DPF3: variants seen among roughly 807,000 people sequenced by gnomAD.
DPF3 encodes the protein double PHD fingers 3, also known as zinc finger protein DPF3.
Under a neutral mutation model 56.8 loss-of-function variants are expected in DPF3, and 18 were observed. The ratio of observed to expected loss-of-function variants is 0.32; its 90% CI spans 0.22 to 0.47. The LOEUF (loss-of-function observed/expected upper bound fraction) is 0.47, where lower values mean the gene tolerates loss of function less well. Among genes scored for constraint, DPF3 ranks in the 20% least tolerant of loss-of-function variants. The pLI is 1.00. For missense variants in DPF3, 403 were observed against 488.8 expected (o/e 0.82, Z 1.65); for synonymous variants, 188 against 180.2 (o/e 1.04, Z -0.35).
intron 8 of DPF3, among the ~76,000 whole-genome samples, chr14:72,659,602 G>A (rs1886147846): frequency 6.6e-6 from 1 of 152,172 alleles, no homozygotes; most frequent in African/African-American, 2.4e-5. Context: ...CATGAGGAAA[G>A]ACACACTCTA....
chr14:72,838,231 C>T (rs1334863957), intron 1 of DPF3, among the ~76,000 whole-genome samples: 4 of 152,216 alleles, frequency 2.6e-5, no homozygotes, highest in African/African-American at 2.4e-5. Context: ...CGGTGGCTCA[C>T]GCCTGTAATT....
chr14:72,697,098 A>G (rs937269527), intron 6 of DPF3, among the ~76,000 whole-genome samples: 3 of 152,150 alleles, frequency 2.0e-5, no homozygotes, highest in Non-Finnish European at 4.4e-5. Flanking sequence ...CAGACAATAC[A>G]TGGAGGTCCC....
intron 4 of DPF3, among the ~76,000 whole-genome samples, chr14:72,729,867 T>C (rs1364846356): frequency 6.6e-6 from 1 of 152,130 alleles, no homozygotes; most frequent in African/African-American, 2.4e-5. Flanking sequence ...TACACATTTG[T>C]TCAAACCCAT....
At chr14:72,723,016 T>A (rs1256049711) in intron 5 of DPF3, among the ~76,000 whole-genome samples, 1 of 151,576 alleles carries the variant, frequency 6.6e-6, no homozygotes, top group East Asian at 1.9e-4. Flanking sequence ...TTTTTTTTTT[T>A]ATAGTCATGA....
At chr14:72,675,275 G>C (rs911274047) in intron 7 of DPF3, among the ~76,000 whole-genome samples, 23 of 152,234 alleles carry the variant, frequency 1.5e-4, no homozygotes, top group African/African-American at 5.3e-4. Flanking sequence ...GGGGCTGCTT[G>C]AGAAGCCTTG....
intron 1 of DPF3, chr14:72,892,245 T>C (rs866142413): frequency 1.3e-6 from 2 of 1,535,452 alleles, no homozygotes; most frequent in Middle Eastern, 3.3e-4. Flanking sequence ...TGAAAATCAG[T>C]TGTGGGTTCG....
Position 72,753,330 on chromosome 14 carries a change from A to T in DPF3, c.235T>A (p.Trp79Arg). ...GGGTGCAATCGTCTCTTCTTGCGCC[A>T]GCAGCGGGCAGGGTATGTATACAGC... ...GQLYTYPARCWRKKRRLHPPE... is the reference protein window; with the variant it reads ...GQLYTYPARCRRKKRRLHPPE... Residue 79 changes from tryptophan (W) to arginine (R), a missense_variant, in exon 3 of 11, where the codon TGG becomes AGG. By Grantham distance (101) the Trp-to-Arg change is moderately radical. Coordinates refer to ENST00000556509, the MANE Select transcript of DPF3 (RefSeq NM_001280542.3). 1 of 1,613,430 alleles carries T rather than the reference A, an allele frequency of 6.2e-7. No individual in the cohort carries two copies. Among genetic ancestry groups the T allele is most frequent in the Non-Finnish European group, 8.5e-7 (1 of 1,179,808 alleles).
intron 2 of DPF3, among the ~76,000 whole-genome samples, chr14:72,764,043 A>C (rs1891164615): frequency 6.6e-6 from 1 of 152,158 alleles, no homozygotes; most frequent in Non-Finnish European, 1.5e-5. Context: ...GGCATCTCCA[A>C]GTGATGTGTC....
rs1268804951 is a variant in DPF3, at chr14:72,612,893, G to A, written c.*6404C>T. Reference sequence around the variant, plus strand: ...GGCTGAGAGCTGGAGGAGCAGGACTGGAGAAGACTTCAGGAAAGATGCACC... The same window carrying A: ...GGCTGAGAGCTGGAGGAGCAGGACTAGAGAAGACTTCAGGAAAGATGCACC... On this transcript the variant is annotated 3_prime_UTR_variant, in exon 11 of 11. Transcript: ENST00000556509. Among the ~76,000 whole-genome samples the A allele has an allele frequency of 1.3e-5, 2 of 152,170 alleles. No homozygotes were observed. The highest frequency in any genetic ancestry group is 2.9e-5 in the Non-Finnish European group (2 of 68,026).
At position 72,718,857 on chromosome 14, in the gene DPF3, C is replaced by T. The variant is rs1028675298; in HGVS notation, c.526-4356G>A. Among the ~76,000 whole-genome samples the T allele has an allele frequency of 3.4e-5, 5 of 145,208 alleles. No homozygotes were observed. The South Asian group carries it at 6.6e-4, about 19-fold the overall frequency. ...CTCGGCTCACTGCAACCTCCGCCTC[C>T]GCCTCCCGGGTTCAAGTGATTCTCC... On this transcript the variant is annotated intron_variant, in intron 5 of 10. Transcript: ENST00000556509.
At chr14:72,703,203 G>T (rs1455719944) in intron 6 of DPF3, among the ~76,000 whole-genome samples, 1 of 152,038 alleles carries the variant, frequency 6.6e-6, no homozygotes, top group East Asian at 1.9e-4. Flanking sequence ...GCCGTCCCGT[G>T]GCTTCATACC....
intron 1 of DPF3, among the ~76,000 whole-genome samples, chr14:72,778,345 C>T (rs974415819): frequency 1.6e-4 from 24 of 152,228 alleles, no homozygotes; most frequent in African/African-American, 5.8e-4. Context: ...GAAGCGCAAA[C>T]CCTACTGTGA....
intron 7 of DPF3, among the ~76,000 whole-genome samples, chr14:72,676,117 T>C (rs1886896027): frequency 6.6e-6 from 1 of 152,184 alleles, no homozygotes; most frequent in African/African-American, 2.4e-5. Context: ...AAGATATGGA[T>C]GGAAAACTAT....
intron 1 of DPF3, among the ~76,000 whole-genome samples, chr14:72,852,267 T>C (rs938979699): frequency 6.6e-6 from 1 of 152,138 alleles, no homozygotes; most frequent in African/African-American, 2.4e-5. Flanking sequence ...GTGAAAAAAG[T>C]TGGAGGCCTA....
intron 1 of DPF3, among the ~76,000 whole-genome samples, chr14:72,863,388 T>G (rs1328756653): frequency 6.6e-6 from 1 of 151,458 alleles, no homozygotes; most frequent in Non-Finnish European, 1.5e-5. Context: ...CCCACAAGTT[T>G]CAGGGGAAGA....
Position 72,611,092 on chromosome 14 carries a change from C to G in DPF3, c.*8205G>C, listed in dbSNP as rs1371391055. Among the ~76,000 whole-genome samples, 1 of 152,164 alleles carries G rather than the reference C, an allele frequency of 6.6e-6. No homozygotes were observed. Among genetic ancestry groups the G allele is most frequent in the East Asian group, 1.9e-4 (1 of 5,192 alleles). ...TGGGAGTCATGTGCCATCCAGGGCC[C>G]CAGAGGAGCCTTCCCTTGGGCCACC... On this transcript the variant is annotated 3_prime_UTR_variant, in exon 11 of 11. Coordinates refer to ENST00000556509, the MANE Select transcript of DPF3 (RefSeq NM_001280542.3).
At chr14:72,876,895 A>G (rs1343815194) in intron 1 of DPF3, among the ~76,000 whole-genome samples, 3 of 152,246 alleles carry the variant, frequency 2.0e-5, no homozygotes, top group African/African-American at 7.2e-5. Flanking sequence ...TCAGGAATGC[A>G]TGCTCTGCTG....
rs957467001 is a variant in DPF3, at chr14:72,744,922, C to T, written c.301+8342G>A. The stretch of plus-strand genomic sequence containing the variant: ...TCTCTTGAAGAGCAGGCAGACTATT[C>T]TCCCTCTTCCCGGAGGAGATGAGGA... On this transcript the variant is annotated intron_variant, in intron 3 of 10. Transcript: ENST00000556509. Among the ~76,000 whole-genome samples, 5 of 152,304 alleles carry T rather than the reference C, an allele frequency of 3.3e-5. No homozygotes were observed. The East Asian group carries it at 9.6e-4, about 29-fold the overall frequency.
intron 1 of DPF3, among the ~76,000 whole-genome samples, chr14:72,833,318 T>C (rs1489463975): frequency 6.6e-6 from 1 of 152,162 alleles, no homozygotes; most frequent in Non-Finnish European, 1.5e-5. Flanking sequence ...AGGTAGACGA[T>C]GACAACACTC....
Sources: gnomAD v4.1 joint callset for allele counts (sites outside exome capture counted in the v4.1 genomes callset) on GRCh38, gnomAD v4.1.1 for gene constraint, MANE v1.5 for transcripts, NCBI Gene and HGNC (gene_info 2026-07-23, HGNC 2026-07-21) for gene names.